Variants in RTEL1 observed in about 807,000 individuals in gnomAD.
RTEL1 encodes regulator of telomere elongation helicase 1.
Under a neutral mutation model 162.2 loss-of-function variants are expected in RTEL1, and 86 were observed. The observed-to-expected ratio is 0.53, with a 90% CI of 0.45 to 0.63. The LOEUF is 0.63. RTEL1 is among the 30% of genes least tolerant of loss of function. The probability of loss-of-function intolerance (pLI) is 0.00; values close to 1 mark genes in which losing one functional copy is unlikely to be tolerated. For synonymous variants in RTEL1, 958 were observed against 717.9 expected, an observed-to-expected ratio of 1.33 and a Z score of -5.35; for missense variants, 1,941 against 1,750.2, an observed-to-expected ratio of 1.11 and a Z score of -1.95.
At chr20:63,681,584 G>A (rs1250449390) in intron 14 of RTEL1, 1 of 985,352 alleles carries the variant, frequency 1.0e-6, no homozygotes, top group East Asian at 1.1e-4. Flanking sequence ...AAGAACCCTG[G>A]GATGCATGGC....
Position 63,695,327 on chromosome 20 carries a change from G to A in RTEL1, c.3500-1G>A, listed in dbSNP as rs1205986855. ...CCTCAGACTCAAGTCTCTGTCTCCA[G>A]GCCCCTCACGGTCCGAGAAGACCGG... is the stretch of plus-strand genomic sequence containing the variant. On this transcript the variant is annotated splice_acceptor_variant, in intron 33 of 34. Transcript: ENST00000360203. LOFTEE classifies it high-confidence loss of function. 4 of 1,562,772 alleles carry A rather than the reference G, an allele frequency of 2.6e-6. No individual in the cohort carries two copies. In the South Asian group the frequency reaches 4.8e-5, roughly 19 times the overall value.
Position 63,672,629 on chromosome 20 carries a change from TC to T in RTEL1, c.765+10del, listed in dbSNP as rs2090267244. On this transcript the variant is annotated intron_variant, in intron 9 of 34. Transcript: ENST00000360203. ...GACGAAGCTCACAACGTGGTGAGTC[TC>T]CGCTGGCCTCCTAAACACCTCCTAT... 2 of 1,573,590 alleles carry T rather than the reference TC, an allele frequency of 1.3e-6. No homozygotes were observed. The highest frequency in any genetic ancestry group is 1.8e-5 in the Admixed American group (1 of 54,948).
intron 14 of RTEL1, chr20:63,681,363 C>T: frequency 1.0e-6 from 1 of 985,334 alleles, no homozygotes; most frequent in African/African-American, 1.7e-5. Flanking sequence ...GCCTCGGTGG[C>T]TTTTTTAGAA....
intron 8 of RTEL1, among the ~76,000 whole-genome samples, chr20:63,669,553 G>C (rs6010614): frequency 0.11 from 16,208 of 150,256 alleles, 1,092 homozygotes; most frequent in African/African-American, 0.19. Context: ...CCTCTGATTT[G>C]AAAGGACCTT....
At chr20:63,681,743 C>T in intron 14 of RTEL1, 1 of 985,328 alleles carries the variant, frequency 1.0e-6, no homozygotes, top group Non-Finnish European at 1.2e-6. Flanking sequence ...CAGGCTCAGC[C>T]CTCCCTCCAC....
chr20:63,693,433 CCACCAGCACCAGCAG>C lies in RTEL1; in HGVS notation c.2992+156_2992+170del, dbSNP rs1361400408. 74 of 855,340 alleles carry C rather than the reference CCACCAGCACCAGCAG, an allele frequency of 8.7e-5. 2 individuals carry two copies. Among genetic ancestry groups the C allele is most frequent in the Admixed American group, 4.9e-4 (19 of 39,092 alleles). 53.0% of individuals were successfully genotyped at this position (855,340 alleles called of 1,614,324 possible). On this transcript the variant is annotated intron_variant, in intron 30 of 34. Transcript: ENST00000360203. ...GGAGTGATGGGGGCCTCCACCTCCA[CCACCAGCACCAGCAG>C]CACCACCTCCACCTCCACCTCCACC...
rs2090835857 is a variant in RTEL1 at position 63,693,462 on chromosome 20, T to TCCACCTCCA, written c.2992+182_2992+190dup. On this transcript the variant is annotated intron_variant, in intron 30 of 34. Coordinates refer to ENST00000360203, the MANE Select transcript of RTEL1 (RefSeq NM_001283009.2). The stretch of plus-strand genomic sequence containing the variant: ...CAGCACCAGCAGCACCACCTCCACC[T>TCCACCTCCA]CCACCTCCACCTCCACCTCCACCAC... Among the ~76,000 whole-genome samples the TCCACCTCCA allele has an allele frequency of 2.3e-3, 22 of 9,550 alleles. 2 individuals are homozygous for TCCACCTCCA. Among genetic ancestry groups the TCCACCTCCA allele is most frequent in the Non-Finnish European group, 4.2e-3 (20 of 4,756 alleles). 6.3% of individuals were successfully genotyped at this position (9,550 alleles called of 152,430 possible).
chr20:63,694,328 C>G (rs777887835), intron 30 of RTEL1, 44 bp from the exon 31 acceptor site: 17 of 1,289,082 alleles, frequency 1.3e-5, no homozygotes, highest in Non-Finnish European at 1.8e-5. Context: ...GGGAACTTTC[C>G]AGATGCTCTC....
At position 63,694,442 on chromosome 20, in the gene RTEL1, C is replaced by G; in HGVS notation, c.3063C>G (p.His1021Gln). 1.2e-6 allele frequency: 2 copies of G among 1,612,132 alleles called. No individual in the cohort carries two copies. Among genetic ancestry groups the G allele is most frequent in the Non-Finnish European group, 1.7e-6 (2 of 1,179,442 alleles). ...CCCAGCAGCTGGACCCCCAAGAGCA[C>G]CTGAACCAGGGCAGGCCCCACCTGT... ...AAAQQLDPQE[H>Q]LNQGRPHLSP... The change falls in exon 31 of 35, where the codon CAC becomes CAG. Residue 1021 changes from histidine to glutamine, a missense_variant. Coordinates refer to ENST00000360203, the MANE Select transcript of RTEL1 (RefSeq NM_001283009.2).
chr20:63,686,770 C>G (rs1454782797), intron 16 of RTEL1: 1 of 154,626 alleles, frequency 6.5e-6, no homozygotes, highest in African/African-American at 2.4e-5. Context: ...AGCGTCCATC[C>G]CGGGGGGAGG....
intron 24 of RTEL1, 78 bp downstream of exon 24, chr20:63,689,943 A>G (rs945427007): frequency 3.2e-6 from 5 of 1,553,590 alleles, no homozygotes; most frequent in Non-Finnish European, 4.4e-6. Context: ...CTCCTTCCCC[A>G]CATGAGGCCC....
In RTEL1 at chr20:63,688,385, G is replaced by A. The variant is rs376751622; in HGVS notation, c.1721G>A (p.Arg574Gln). 3.9e-5 allele frequency: 63 copies of A among 1,612,494 alleles called. No individual in the cohort carries two copies. Among genetic ancestry groups the A allele is most frequent in the Middle Eastern group, 1.6e-4 (1 of 6,082 alleles). ...ATGGAGAAGAGCCTGGAGTTCTGGCGGGTGCGTCTCCCCTGTGTTCTGGGC... is the reference window on the plus strand; with the variant it reads ...ATGGAGAAGAGCCTGGAGTTCTGGCAGGTGCGTCTCCCCTGTGTTCTGGGC... ...PVMEKSLEFW[R>Q]ARDLARKMEA... Residue 574 changes from arginine (R) to glutamine (Q), a missense_variant and splice_region_variant, in exon 20 of 35, where the codon CGG becomes CAG. By Grantham distance (43) the Arg-to-Gln change is conservative (BLOSUM62 1). Transcript: ENST00000360203.
In RTEL1 at chr20:63,683,686, G is replaced by A. The variant is rs556629158; in HGVS notation, c.1192-1837G>A. Reference sequence around the variant, plus strand: ...CTCAAGTCTGCGGCGGGGCTCTGACGGCGGTGGCTTGGCTGACATGGCCAC... The same window carrying A: ...CTCAAGTCTGCGGCGGGGCTCTGACAGCGGTGGCTTGGCTGACATGGCCAC... On this transcript the variant is annotated intron_variant, in intron 14 of 34. Coordinates refer to ENST00000360203, the MANE Select transcript of RTEL1 (RefSeq NM_001283009.2). Among the ~76,000 whole-genome samples the A allele has an allele frequency of 2.6e-5, 4 of 152,284 alleles. No homozygotes were observed. The South Asian group carries it at 6.2e-4, about 24-fold the overall frequency.
rs12625047 is a variant in RTEL1, at chr20:63,692,957, C to G, written c.2805C>G (p.Leu935=). The change falls in exon 29 of 35, where the codon CTC becomes CTG. Residue 935 remains leucine, a synonymous_variant. Transcript: ENST00000360203. ...SDDFAALAAC[L]GPLFAEDPKK... is the part of the protein sequence containing the mutation. The stretch of plus-strand genomic sequence containing the variant: ...ACTTCGCCGCCCTGGCCGCCTGTCT[C>G]GGCCCCCTCTTTGCTGAGGACCCCA... The G allele has an allele frequency of 6.2e-7, 1 of 1,612,548 alleles. No homozygotes were observed. The highest frequency in any genetic ancestry group is 8.5e-7 in the Non-Finnish European group (1 of 1,179,870).
At chr20:63,682,407 A>G (rs1035015101) in intron 14 of RTEL1, 250 of 985,324 alleles carry the variant, frequency 2.5e-4, no homozygotes, top group Non-Finnish European at 2.9e-4. Context: ...GCGGCCTCCC[A>G]GCCTCCCACT....
At chr20:63,675,503 TA>T (rs2090331109) in intron 10 of RTEL1, among the ~76,000 whole-genome samples, 1 of 7,790 alleles carries the variant, frequency 1.3e-4, no homozygotes. Context: ...AGAATCCCTT[TA>T]TATATATATA....
At chr20:63,688,737 C>T (rs370541342) in intron 21 of RTEL1, 132 bp downstream of exon 21, 9 of 768,148 alleles carry the variant, frequency 1.2e-5, no homozygotes, top group South Asian at 1.8e-5. Context: ...AGGGCTCCTG[C>T]GTTTCCTTCC....
rs370956422 is a variant in RTEL1, at chr20:63,693,321, G to T, written c.2992+38G>T. 1.9e-6 allele frequency: 3 copies of T among 1,607,986 alleles called. No individual in the cohort carries two copies. In the South Asian group the frequency reaches 3.3e-5, roughly 18 times the overall value. ...CCAGGTGGGACCCTCAGACTCCTGC[G>T]TGGAAGGCAGTGTGGGCCAGAGTCC... On this transcript the variant is annotated intron_variant, in intron 30 of 34. Transcript: ENST00000360203.
Position 63,692,910 on chromosome 20 carries a change from C to T in RTEL1, c.2758C>T (p.Gln920Ter), listed in dbSNP as rs770643715. 2 of 1,612,662 alleles carry T rather than the reference C, an allele frequency of 1.2e-6. No individual in the cohort carries two copies. Among genetic ancestry groups the T allele is most frequent in the Admixed American group, 1.7e-5 (1 of 60,010 alleles). The change falls in exon 29 of 35, where the codon CAG becomes TAG. Residue 920 changes from glutamine to a stop codon, truncating the protein, a stop_gained. Transcript: ENST00000360203. LOFTEE classifies it high-confidence loss of function. Reference sequence around the variant, plus strand: ...CTTTGCCACCTTCACCCAGGCCCTGCAGGACTACAAGGGTTCCGATGACTT... The same window carrying T: ...CTTTGCCACCTTCACCCAGGCCCTGTAGGACTACAAGGGTTCCGATGACTT... ...ANFATFTQAL[Q>*]DYKGSDDFAA...
Sources: allele counts gnomAD v4.1 joint callset (sites outside exome capture counted in the v4.1 genomes callset), GRCh38; gene constraint gnomAD v4.1.1; transcripts MANE v1.5; gene names NCBI Gene and HGNC (gene_info 2026-07-23, HGNC 2026-07-21).